FZD3: variants seen among roughly 807,000 people sequenced by gnomAD.
The protein encoded by FZD3 is frizzled class receptor 3, also known as frizzled-3.
A neutral mutation model predicts 60.7 loss-of-function variants in FZD3; 30 were observed. The ratio of observed to expected loss-of-function variants is 0.49; its 90% CI spans 0.37 to 0.67. FZD3 has a LOEUF of 0.67. Ranked by LOEUF, FZD3 falls within the 30% of genes least tolerant of loss-of-function variation. FZD3 has a pLI of 0.00. For synonymous variants in FZD3, 246 were observed against 275.2 expected (o/e 0.89, Z 1.05); for missense variants, 605 against 838.7 (o/e 0.72, Z 3.44).
chr8:28,570,271 C>T lies in FZD3; in HGVS notation c.*7260C>T, dbSNP rs1461900389. 1.3e-5 allele frequency: 2 copies of T among 152,380 alleles called. No individual in the cohort carries two copies. Among genetic ancestry groups the T allele is most frequent in the African/African-American group, 4.8e-5 (2 of 41,438 alleles). 9.4% of individuals were successfully genotyped at this position (152,380 alleles called of 1,614,324 possible). A position where few individuals can be genotyped will look rare whatever the true frequency, so the allele number is the denominator to read the frequency against. ...CTTTGGGAGGCCAAGGTGGGCAGAT[C>T]ACCTGAGGTCAGGAGTTCGAGACCA... On this transcript the variant is annotated 3_prime_UTR_variant, in exon 8 of 8. Coordinates refer to ENST00000240093, the MANE Select transcript of FZD3 (RefSeq NM_017412.4).
At chr8:28,494,523 A>G (rs994853951) in intron 1 of FZD3, among the ~76,000 whole-genome samples, 180 bp downstream of exon 1, 6 of 151,696 alleles carry the variant, frequency 4.0e-5, no homozygotes, top group African/African-American at 1.5e-4. Context: ...GGCCACAACA[A>G]AAGCCTTGGG....
At chr8:28,528,884 C>T (rs1029926548) in intron 5 of FZD3, among the ~76,000 whole-genome samples, 3 of 152,076 alleles carry the variant, frequency 2.0e-5, no homozygotes, top group Non-Finnish European at 2.9e-5. Context: ...ATCTTTAGTA[C>T]TTCTAGAATC....
rs1235257826 is a variant in FZD3 at position 28,562,783 on chromosome 8, A to C, written c.1788-15A>C. 1 of 1,505,010 alleles carries C rather than the reference A, an allele frequency of 6.6e-7. No homozygotes were observed. Among genetic ancestry groups the C allele is most frequent in the South Asian group, 1.2e-5 (1 of 86,194 alleles). The allele number at this position is 1,505,010 out of a possible 1,614,324, so 93.2% of individuals were successfully genotyped here. A position where few individuals can be genotyped will look rare whatever the true frequency, so the allele number is the denominator to read the frequency against. ...TGTGTTCTGTTACCCACTTCAAAAT[A>C]AACTCTCATGACAGGTACACGCCCT... On this transcript the variant is annotated splice_polypyrimidine_tract_variant and intron_variant, in intron 7 of 7. Transcript: ENST00000240093.
At chr8:28,548,166 T>C (rs1805339158) in intron 5 of FZD3, among the ~76,000 whole-genome samples, 1 of 152,142 alleles carries the variant, frequency 6.6e-6, no homozygotes, top group South Asian at 2.1e-4. Context: ...TTGTCTCTTT[T>C]TGATGGCTTC....
At chr8:28,540,893 C>T (rs888526376) in intron 5 of FZD3, among the ~76,000 whole-genome samples, 3 of 152,094 alleles carry the variant, frequency 2.0e-5, no homozygotes, top group South Asian at 2.1e-4. Context: ...TGCAGTGAGC[C>T]GAGAATTGCA....
intron 3 of FZD3, among the ~76,000 whole-genome samples, chr8:28,506,947 A>T (rs954355588): frequency 2.0e-5 from 3 of 152,190 alleles, no homozygotes; most frequent in African/African-American, 7.2e-5. Flanking sequence ...TTACCAACTC[A>T]TAGCTAGTCT....
At chr8:28,513,071 T>G (rs1378960581) in intron 3 of FZD3, among the ~76,000 whole-genome samples, 1 of 152,162 alleles carries the variant, frequency 6.6e-6, no homozygotes, top group African/African-American at 2.4e-5. Flanking sequence ...AGAAGCCTGG[T>G]GTGAGGAGAA....
chr8:28,563,070 CT>C lies in FZD3; in HGVS notation c.*63del, dbSNP rs1343350994. ...TTAAAAAGCAGATTTTATTCTTTGC[CT>C]TTTGCATGACTGATAGCTGTAACTC... On this transcript the variant is annotated 3_prime_UTR_variant, in exon 8 of 8. Coordinates refer to ENST00000240093, the MANE Select transcript of FZD3 (RefSeq NM_017412.4). 4 of 1,136,868 alleles carry C rather than the reference CT, an allele frequency of 3.5e-6. No homozygotes were observed. Among genetic ancestry groups the C allele is most frequent in the Non-Finnish European group, 5.3e-6 (4 of 747,758 alleles). 70.4% of individuals were successfully genotyped at this position (1,136,868 alleles called of 1,614,324 possible). A position where few individuals can be genotyped will look rare whatever the true frequency, so the allele number is the denominator to read the frequency against.
intron 1 of FZD3, among the ~76,000 whole-genome samples, chr8:28,496,166 T>G (rs1286575307): frequency 6.6e-6 from 1 of 152,236 alleles, no homozygotes; most frequent in African/African-American, 2.4e-5. Context: ...TCTTTCTTTG[T>G]ATAGAACAAA....
chr8:28,535,261 G>A (rs910046892), intron 5 of FZD3, among the ~76,000 whole-genome samples: 3 of 151,946 alleles, frequency 2.0e-5, no homozygotes, highest in African/African-American at 4.8e-5. Flanking sequence ...GTAGGTTTTA[G>A]CACAGTTTTA....
At chr8:28,558,832 T>C (rs1158861235) in intron 7 of FZD3, among the ~76,000 whole-genome samples, 1 of 152,196 alleles carries the variant, frequency 6.6e-6, no homozygotes, top group Non-Finnish European at 1.5e-5. Flanking sequence ...AAAAGTAAGA[T>C]GTAATTTATG....
At chr8:28,531,570 CA>C (rs1465959386) in intron 5 of FZD3, among the ~76,000 whole-genome samples, 3 of 152,152 alleles carry the variant, frequency 2.0e-5, no homozygotes, top group African/African-American at 7.2e-5. Context: ...AATTTATACG[CA>C]CACCAGAATA....
At chr8:28,541,266 GTTAT>G (rs1805160024) in intron 5 of FZD3, among the ~76,000 whole-genome samples, 1 of 152,216 alleles carries the variant, frequency 6.6e-6, no homozygotes. Flanking sequence ...AAAAACAGGT[GTTAT>G]TTGAGTTGCT....
intron 5 of FZD3, among the ~76,000 whole-genome samples, chr8:28,535,361 G>A (rs1239184107): frequency 6.6e-6 from 1 of 152,032 alleles, no homozygotes; most frequent in Non-Finnish European, 1.5e-5. Context: ...TATCACTATG[G>A]TACATCTGTT....
At position 28,572,631 on chromosome 8, in the gene FZD3, G is replaced by C. The variant is rs1192241824; in HGVS notation, c.*9620G>C. On this transcript the variant is annotated 3_prime_UTR_variant, in exon 8 of 8. Transcript: ENST00000240093. ...CTAATATAAAAGGGTTCATCTGTAA[G>C]TATCATTTAGAGGCAAAATAATTTC... The C allele has an allele frequency of 6.6e-6, 1 of 152,086 alleles. No homozygotes were observed. Among genetic ancestry groups the C allele is most frequent in the Admixed American group, 6.5e-5 (1 of 15,274 alleles). The allele number at this position is 152,086 out of a possible 1,614,324, so 9.4% of individuals were successfully genotyped here.
chr8:28,562,713 C>A, intron 7 of FZD3, 85 bp from the exon 8 acceptor site: 1 of 832,282 alleles, frequency 1.2e-6, no homozygotes, highest in Non-Finnish European at 2.0e-6. Context: ...ATTTCCCTTA[C>A]TGAGGCATTT....
At chr8:28,534,876 A>G (rs1471301503) in intron 5 of FZD3, among the ~76,000 whole-genome samples, 1 of 152,210 alleles carries the variant, frequency 6.6e-6, no homozygotes, top group African/African-American at 2.4e-5. Flanking sequence ...ATCTGCTGTT[A>G]TTGAGTGTGC....
In FZD3 at chr8:28,528,020, G is replaced by T. The variant is rs980009789; in HGVS notation, c.1260G>T (p.Arg420=). The T allele has an allele frequency of 6.2e-6, 10 of 1,613,976 alleles. No homozygotes were observed. Among genetic ancestry groups the T allele is most frequent in the African/African-American group, 1.3e-5 (1 of 75,012 alleles). ...ATAAATTAGTGAAGTTTATGATCCG[G>T]ATCGGTGTTTTCAGCATTCTTTATC... ...NQDKLVKFMI[R]IGVFSILYLV... Residue 420 remains arginine, a synonymous_variant, in exon 5 of 8, where the codon CGG becomes CGT. Transcript: ENST00000240093.
intron 5 of FZD3, among the ~76,000 whole-genome samples, chr8:28,542,091 C>CTTTT (rs61301257): frequency 6.7e-5 from 9 of 133,556 alleles, no homozygotes; most frequent in East Asian, 4.4e-4. Flanking sequence ...GAATGAAATC[C>CTTTT]TTTTTTTTTT....
Sources: gnomAD v4.1 joint callset for allele counts (sites outside exome capture counted in the v4.1 genomes callset) on GRCh38, gnomAD v4.1.1 for gene constraint, MANE v1.5 for transcripts, NCBI Gene and HGNC (gene_info 2026-07-23, HGNC 2026-07-21) for gene names.